Variants in KPNB1 observed in about 807,000 individuals in gnomAD.
KPNB1 encodes the protein karyopherin subunit beta 1.
KPNB1 carries 7 observed loss-of-function variants against 113.0 expected under a neutral mutation model. The ratio of observed to expected loss-of-function variants is 0.06; its 90% CI spans 0.04 to 0.12. The LOEUF is 0.12. KPNB1 is among the 10% of genes least tolerant of loss of function. KPNB1 has a pLI of 1.00. For missense variants in KPNB1, 400 were observed against 1,054.8 expected (o/e 0.38, Z 8.60); for synonymous variants, 363 against 378.6 (o/e 0.96, Z 0.48).
At position 47,668,303 on chromosome 17, in the gene KPNB1, G is replaced by A; in HGVS notation, c.1117G>A (p.Glu373Lys). Residue 373 changes from glutamate (E) to lysine (K), a missense_variant, in exon 10 of 22, where the codon GAA (glutamate) becomes AAA (lysine). Physicochemically the swap from Glu to Lys is moderately conservative, Grantham distance 56 (BLOSUM62 1). Around this residue, in one of 2 missense-constraint regions of KPNB1, gnomAD observed 285 missense variants for 627.0 expected, o/e 0.45. Coordinates refer to ENST00000290158, the MANE Select transcript of KPNB1 (RefSeq NM_002265.6). ...IVPHVLPFIK[E>K]HIKNPDWRYR... is the part of the protein sequence containing the mutation. ...CCCACATGTCCTCCCCTTCATTAAA[G>A]AACACATCAAGAACCCAGATTGGCG... is the stretch of plus-strand genomic sequence containing the variant. 1 of 1,614,128 alleles carries A rather than the reference G, an allele frequency of 6.2e-7. No individual in the cohort carries two copies. The highest frequency in any genetic ancestry group is 8.5e-7 in the Non-Finnish European group (1 of 1,180,036).
At chr17:47,675,358 G>GTTTTTTTTTTTTTTTTTTTT (rs1555619221) in intron 15 of KPNB1, among the ~76,000 whole-genome samples, 3 of 88,860 alleles carry the variant, frequency 3.4e-5, no homozygotes, top group Non-Finnish European at 7.4e-5. Flanking sequence ...TGGCAGAGGT[G>GTTTTTTTTTTTTTTTTTTTT]TTGTTTTTTT....
Position 47,654,127 on chromosome 17 carries a change from A to G in KPNB1, c.282+1251A>G, listed in dbSNP as rs1440872674. The stretch of plus-strand genomic sequence containing the variant: ...CCAACCCTTTAAAAAAAAATTAGAC[A>G]ATAATGGCTGGGCGCAGTGGCTCAT... On this transcript the variant is annotated intron_variant, in intron 3 of 21. Transcript: ENST00000290158. 2.6e-5 allele frequency among the ~76,000 whole-genome samples: 4 copies of G among 152,188 alleles called. 1 individual carries two copies. In the South Asian group the frequency reaches 6.2e-4, roughly 24 times the overall value.
intron 10 of KPNB1, among the ~76,000 whole-genome samples, chr17:47,668,764 A>G (rs896216459): frequency 6.6e-5 from 10 of 152,130 alleles, no homozygotes; most frequent in African/African-American, 2.4e-4. Flanking sequence ...ATTTAATACT[A>G]TGTTGTAAAC....
At chr17:47,666,450 T>C (rs2030276854) in intron 9 of KPNB1, among the ~76,000 whole-genome samples, 1 of 143,866 alleles carries the variant, frequency 7.0e-6, no homozygotes, top group African/African-American at 2.6e-5. Context: ...ATATTTTATA[T>C]ATTATGTTAT....
Position 47,682,482 on chromosome 17 carries a change from T to C in KPNB1, c.*78T>C. ...TTTTGAAAAACCTGGAAGTGAGGAG[T>C]GTGCACGGATGCTGAATGTTTGGGA... On this transcript the variant is annotated 3_prime_UTR_variant, in exon 22 of 22. Coordinates refer to ENST00000290158, the MANE Select transcript of KPNB1 (RefSeq NM_002265.6). 2 of 775,848 alleles carry C rather than the reference T, an allele frequency of 2.6e-6. No homozygotes were observed. Among genetic ancestry groups the C allele is most frequent in the East Asian group, 4.9e-5 (2 of 41,208 alleles). The allele number at this position is 775,848 out of a possible 1,614,324, so 48.1% of individuals were successfully genotyped here.
chr17:47,668,082 C>G, intron 9 of KPNB1, 104 bp from the exon 10 acceptor site: 1 of 809,328 alleles, frequency 1.2e-6, no homozygotes, highest in Admixed American at 2.6e-5. Context: ...ATTTTATTTC[C>G]CTGGAGTTTA....
intron 2 of KPNB1, among the ~76,000 whole-genome samples, chr17:47,650,981 T>A (rs1298676378): frequency 2.0e-5 from 3 of 152,164 alleles, no homozygotes; most frequent in Non-Finnish European, 4.4e-5. Flanking sequence ...TCTTAACCCA[T>A]TTCCACTGAT....
At position 47,684,485 on chromosome 17, in the gene KPNB1, C is replaced by G. The variant is rs2143199351; in HGVS notation, c.*2081C>G. ...TCCATTTCAGTTGTTCTTTGAGAGA[C>G]AGAATGATGTACTAACCATTCGTGA... On this transcript the variant is annotated 3_prime_UTR_variant, in exon 22 of 22. Coordinates refer to ENST00000290158, the MANE Select transcript of KPNB1 (RefSeq NM_002265.6). The G allele has an allele frequency of 6.6e-6, 1 of 152,134 alleles. No individual in the cohort carries two copies. The highest frequency in any genetic ancestry group is 6.5e-5 in the Admixed American group (1 of 15,272). The allele number at this position is 152,134 out of a possible 1,614,324, so 9.4% of individuals were successfully genotyped here. A position where few individuals can be genotyped will look rare whatever the true frequency, so the allele number is the denominator to read the frequency against.
At chr17:47,672,147 AGGT>A (rs2030467686) in intron 12 of KPNB1, among the ~76,000 whole-genome samples, 1 of 151,892 alleles carries the variant, frequency 6.6e-6, no homozygotes, top group African/African-American at 2.4e-5. Context: ...CTGGTACTAA[AGGT>A]GCCCACCAAC....
intron 2 of KPNB1, 111 bp downstream of exon 2, chr17:47,650,555 T>TCCCCCTCCCCCCTCCCCCTCCCCCCCCAA: frequency 3.6e-6 from 2 of 550,746 alleles, no homozygotes; most frequent in Non-Finnish European, 5.9e-6. Context: ...CCCCATCCCG[T>TCCCCCTCCCCCCTCCCCCTCCCCCCCCAA]CCCCCTCCCC....
Position 47,656,779 on chromosome 17 carries a change from A to G in KPNB1, c.283-81A>G, listed in dbSNP as rs990402097. 6.0e-6 allele frequency: 8 copies of G among 1,342,124 alleles called. No individual in the cohort carries two copies. The African/African-American group carries it at 8.7e-5, about 15-fold the overall frequency. 83.1% of individuals were successfully genotyped at this position (1,342,124 alleles called of 1,614,324 possible). A position where few individuals can be genotyped will look rare whatever the true frequency, so the allele number is the denominator to read the frequency against. On this transcript the variant is annotated intron_variant, in intron 3 of 21. Coordinates refer to ENST00000290158, the MANE Select transcript of KPNB1 (RefSeq NM_002265.6). ...GAAAGAAAAAAAAGAATTCAGAGAC[A>G]CTAATATAAGTATGGTGGTGGGCAA...
intron 5 of KPNB1, among the ~76,000 whole-genome samples, chr17:47,660,898 A>T (rs1351774164): frequency 1.3e-5 from 2 of 152,148 alleles, no homozygotes; most frequent in Admixed American, 1.3e-4. Context: ...AAGATTAGGG[A>T]CCTCATTGGA....
intron 15 of KPNB1, 97 bp downstream of exon 15, chr17:47,674,879 C>A: frequency 7.9e-7 from 1 of 1,268,754 alleles, no homozygotes; most frequent in Non-Finnish European, 1.1e-6. Context: ...TGCAGTGGCA[C>A]GATCTTGGCG....
Position 47,677,201 on chromosome 17 carries a change from CG to C in KPNB1, c.2103+75del, listed in dbSNP as rs909793793. ...AACAGTTGGAAAGATAGTTAAATAT[CG>C]ACCAGGCTGGGCGCAGTGGCCTGTA... On this transcript the variant is annotated intron_variant, in intron 17 of 21. Coordinates refer to ENST00000290158, the MANE Select transcript of KPNB1 (RefSeq NM_002265.6). 61 of 1,152,246 alleles carry C rather than the reference CG, an allele frequency of 5.3e-5. 1 individual carries two copies. In the South Asian group the frequency reaches 6.0e-4, roughly 11 times the overall value. The allele number at this position is 1,152,246 out of a possible 1,614,324, so 71.4% of individuals were successfully genotyped here. A position where few individuals can be genotyped will look rare whatever the true frequency, so the allele number is the denominator to read the frequency against.
Position 47,657,023 on chromosome 17 carries a change from C to A in KPNB1, c.446C>A (p.Ser149Ter). 1 of 1,614,012 alleles carries A rather than the reference C, an allele frequency of 6.2e-7. No homozygotes were observed. Among genetic ancestry groups the A allele is most frequent in the South Asian group, 1.1e-5 (1 of 91,062 alleles). The change falls in exon 4 of 22, where the codon TCG becomes TAG. Residue 149 changes from serine to a stop codon, truncating the protein, a stop_gained. Transcript: ENST00000290158. LOFTEE classifies it high-confidence loss of function. ...AACAGCACAGAGCACATGAAGGAGT[C>A]GACATTGGAAGCCATCGGTTATATT... ...NPNSTEHMKE[S>*]TLEAIGYICQ... is the part of the protein sequence containing the mutation.
In KPNB1 at chr17:47,670,847, A is replaced by C; in HGVS notation, c.1547+15A>C. ...ACTACAGACAGGTAACTGATATTTC[A>C]CAGAAATGAGTGACGTCTTTGCATC... On this transcript the variant is annotated intron_variant, in intron 12 of 21. Transcript: ENST00000290158. 9 of 1,590,138 alleles carry C rather than the reference A, an allele frequency of 5.7e-6. No individual in the cohort carries two copies. Among genetic ancestry groups the C allele is most frequent in the South Asian group, 1.1e-5 (1 of 90,080 alleles).
chr17:47,662,121 C>G (rs1367301569), intron 6 of KPNB1: 1 of 152,044 alleles, frequency 6.6e-6, no homozygotes, highest in Non-Finnish European at 1.5e-5. Flanking sequence ...AAAAAAAAGA[C>G]TGAGGCCAGG....
chr17:47,659,559 C>T (rs889440472), intron 5 of KPNB1, among the ~76,000 whole-genome samples: 3 of 151,858 alleles, frequency 2.0e-5, no homozygotes, highest in African/African-American at 7.3e-5. Flanking sequence ...TTGAGACTAG[C>T]CTGTGCAACG....
intron 12 of KPNB1, 47 bp downstream of exon 12, chr17:47,670,879 C>CT: frequency 6.5e-7 from 1 of 1,529,654 alleles, no homozygotes; most frequent in Non-Finnish European, 9.0e-7. Flanking sequence ...CATCCAAGTT[C>CT]TATTGCCTTC....
Sources: gnomAD v4.1 joint callset for allele counts (sites outside exome capture counted in the v4.1 genomes callset) on GRCh38, gnomAD v4.1.1 for gene constraint, gnomAD v4.1.1 regional missense constraint, MANE v1.5 for transcripts, NCBI Gene and HGNC (gene_info 2026-07-23, HGNC 2026-07-21) for gene names.